CDCA7: variants seen among roughly 807,000 people sequenced by gnomAD.
The protein encoded by CDCA7 is cell division cycle-associated protein 7.
A neutral mutation model predicts 54.0 loss-of-function variants in CDCA7; 28 were observed. The ratio of observed to expected loss-of-function variants is 0.52; its 90% CI spans 0.38 to 0.71. The LOEUF is 0.71. Among genes scored for constraint, CDCA7 ranks in the 30% least tolerant of loss-of-function variants. CDCA7 has a pLI of 0.00. For missense variants in CDCA7, 484 were observed against 586.0 expected (o/e 0.83, Z 1.80); for synonymous variants, 180 against 208.2 (o/e 0.86, Z 1.16).
At position 173,364,782 on chromosome 2, in the gene CDCA7, G is replaced by T; in HGVS notation, c.700-13G>T. Reference sequence around the variant, plus strand: ...ATGGAATAAATGGATTCCCTTATACGTGCTTTGTTTAGCAATCAAGGAGAC... The same window carrying T: ...ATGGAATAAATGGATTCCCTTATACTTGCTTTGTTTAGCAATCAAGGAGAC... On this transcript the variant is annotated splice_polypyrimidine_tract_variant and intron_variant, in intron 5 of 9. Transcript: ENST00000306721. The T allele has an allele frequency of 1.3e-6, 2 of 1,589,152 alleles. No homozygotes were observed. Among genetic ancestry groups the T allele is most frequent in the Non-Finnish European group, 1.7e-6 (2 of 1,172,744 alleles).
Position 173,366,492 on chromosome 2 carries a change from G to A in CDCA7, c.1185+60G>A. On this transcript the variant is annotated intron_variant, in intron 8 of 9. Coordinates refer to ENST00000306721, the MANE Select transcript of CDCA7 (RefSeq NM_031942.5). This position sits in a 1 kb window ranked among gnomAD's most constrained non-coding sequence, Gnocchi z 4.5. ...GAAGGTCAGCCACAAACTGTGATGA[G>A]GCCAGAAAAAGGCATTGGTGAAGGG... 2 of 1,587,396 alleles carry A rather than the reference G, an allele frequency of 1.3e-6. No homozygotes were observed. Among genetic ancestry groups the A allele is most frequent in the South Asian group, 2.3e-5 (2 of 88,426 alleles).
rs1686714841 is a variant in CDCA7, at chr2:173,366,130, A to AT, written c.1036-148dup. ...GTGAGCCACTGCACCTGGTTGAGTT[A>AT]TTTTTCATACCCTGGCATATACATG... On this transcript the variant is annotated intron_variant, in intron 7 of 9. Transcript: ENST00000306721. This position sits in a 1 kb window ranked among gnomAD's most constrained non-coding sequence, Gnocchi z 4.5. Among the ~76,000 whole-genome samples the AT allele has an allele frequency of 6.6e-6, 1 of 152,034 alleles. No homozygotes were observed. The highest frequency in any genetic ancestry group is 6.6e-5 in the Admixed American group (1 of 15,262).
In CDCA7 at chr2:173,366,380, C is replaced by G; in HGVS notation, c.1133C>G (p.Pro378Arg). ...GGCGTTCGAGGCCAGTTCTGTGGCC[C>G]CTGCCTTCGAAACCGTTATGGTGAA... ...CWGVRGQFCG[P>R]CLRNRYGEEV... The change falls in exon 8 of 10, where the codon CCC becomes CGC. Residue 378 changes from proline to arginine, a missense_variant. By Grantham distance (103) the Pro-to-Arg change is moderately radical. This residue lies in a region of CDCA7 where 83 missense variants were observed against 122.3 expected (regional missense o/e 0.68). Transcript: ENST00000306721. This position sits in a 1 kb window ranked among gnomAD's most constrained non-coding sequence, Gnocchi z 4.5. 1 of 1,614,140 alleles carries G rather than the reference C, an allele frequency of 6.2e-7. No individual in the cohort carries two copies. Among genetic ancestry groups the G allele is most frequent in the Non-Finnish European group, 8.5e-7 (1 of 1,180,036 alleles).
chr2:173,365,115 C>A, intron 6 of CDCA7, 126 bp downstream of exon 6: 1 of 1,369,772 alleles, frequency 7.3e-7, no homozygotes, highest in African/African-American at 1.5e-5. Context: ...TTCCTCTAAC[C>A]ATTCAGAACT....
chr2:173,355,087 A>T (rs1192923294), intron 1 of CDCA7, 103 bp downstream of exon 1: 3 of 1,204,276 alleles, frequency 2.5e-6, no homozygotes, highest in Non-Finnish European at 3.1e-6. Context: ...CGCTGCCTTA[A>T]CTGGTGGCCT....
At chr2:173,355,365 G>A (rs1475518765) in intron 1 of CDCA7, among the ~76,000 whole-genome samples, 2 of 152,186 alleles carry the variant, frequency 1.3e-5, no homozygotes, top group East Asian at 3.9e-4. Flanking sequence ...TCCCGCAGCG[G>A]CCCAGCCCTT....
Position 173,365,559 on chromosome 2 carries a change from C to T in CDCA7, c.1002C>T (p.Ser334=). 3 of 1,614,138 alleles carry T rather than the reference C, an allele frequency of 1.9e-6. No individual in the cohort carries two copies. Among genetic ancestry groups the T allele is most frequent in the Non-Finnish European group, 2.5e-6 (3 of 1,180,026 alleles). ...AGGAGGAGTTGGAGAACGTCTGCAG[C>T]AATTCTCGAGAGAAGATATATAACC... ...ITEEELENVC[S]NSREKIYNRS... Residue 334 remains serine, a synonymous_variant, in exon 7 of 10, where the codon AGC becomes AGT. Transcript: ENST00000306721.
In CDCA7 at chr2:173,367,291, TG is replaced by T; in HGVS notation, c.1322+8del. Reference sequence around the variant, plus strand: ...TGTGCATGCCTACTTGAAAAGGTAGTGGGTGTTTTTTTTTCCCTTCCACATC... The same window carrying T: ...TGTGCATGCCTACTTGAAAAGGTAGTGGTGTTTTTTTTTCCCTTCCACATC... On this transcript the variant is annotated splice_donor_region_variant and intron_variant, in intron 9 of 9. Coordinates refer to ENST00000306721, the MANE Select transcript of CDCA7 (RefSeq NM_031942.5). 6.2e-7 allele frequency: 1 copy of T among 1,614,000 alleles called. No individual in the cohort carries two copies. The highest frequency in any genetic ancestry group is 8.5e-7 in the Non-Finnish European group (1 of 1,179,970).
chr2:173,365,114 C>T (rs1201400582), intron 6 of CDCA7, 125 bp downstream of exon 6: 1 of 1,367,472 alleles, frequency 7.3e-7, no homozygotes, highest in Non-Finnish European at 9.5e-7. Flanking sequence ...TTTCCTCTAA[C>T]CATTCAGAAC....
At chr2:173,356,625 C>T (rs1185279695) in intron 1 of CDCA7, among the ~76,000 whole-genome samples, 2 of 152,192 alleles carry the variant, frequency 1.3e-5, no homozygotes, top group Non-Finnish European at 2.9e-5. Context: ...CCACCTCAGC[C>T]TCCCAAGTAA....
intron 1 of CDCA7, 150 bp from the exon 2 acceptor site, chr2:173,358,562 G>A (rs942629000): frequency 2.9e-5 from 23 of 784,476 alleles, no homozygotes; most frequent in Non-Finnish European, 4.1e-5. Flanking sequence ...ATTTTTTGTA[G>A]CAGTTAACAA....
intron 1 of CDCA7, among the ~76,000 whole-genome samples, chr2:173,358,110 G>GGCTTGCTTCAGCTC (rs1686545222): frequency 6.7e-6 from 1 of 150,114 alleles, no homozygotes; most frequent in Admixed American, 6.7e-5. Flanking sequence ...TGAGGCAGGA[G>GGCTTGCTTCAGCTC]AATGGCGTGA....
intron 1 of CDCA7, among the ~76,000 whole-genome samples, chr2:173,357,191 C>A (rs1686523209): frequency 6.6e-6 from 1 of 152,214 alleles, no homozygotes; most frequent in Non-Finnish European, 1.5e-5. Context: ...AAATGACAAA[C>A]CACTATCCTT....
intron 3 of CDCA7, among the ~76,000 whole-genome samples, chr2:173,361,474 C>CA (rs1686620606): frequency 7.5e-6 from 1 of 133,538 alleles, no homozygotes; most frequent in Non-Finnish European, 1.5e-5. Context: ...TTTTTTGAGA[C>CA]AGAGTCTCAC....
At chr2:173,363,139 A>G (rs1686654415) in intron 3 of CDCA7, 87 bp from the exon 4 acceptor site, 8 of 1,243,346 alleles carry the variant, frequency 6.4e-6, no homozygotes, top group Non-Finnish European at 8.2e-6. Context: ...CATTTCATAC[A>G]AGTGTCTCAT....
At chr2:173,364,028 C>T in intron 5 of CDCA7, 133 bp downstream of exon 5, 1 of 733,842 alleles carries the variant, frequency 1.4e-6, no homozygotes, top group Non-Finnish European at 2.2e-6. Flanking sequence ...GAGGAAACCC[C>T]CTGACAGATC....
In CDCA7 at chr2:173,367,226, G is replaced by A; in HGVS notation, c.1262G>A (p.Gly421Glu). The change falls in exon 9 of 10, where the codon GGG becomes GAG. Residue 421 changes from glycine (G) to glutamate (E), a missense_variant. By Grantham distance (98) the Gly-to-Glu change is moderately conservative. Transcript: ENST00000306721. ...CAGCGAGATGGACGGTGTGCGACTGGGGTCCTTGTGTATTTAGCCAAATAT... is the reference window on the plus strand; with the variant it reads ...CAGCGAGATGGACGGTGTGCGACTGAGGTCCTTGTGTATTTAGCCAAATAT... ...CRQRDGRCAT[G>E]VLVYLAKYHG... 1 of 1,613,778 alleles carries A rather than the reference G, an allele frequency of 6.2e-7. No homozygotes were observed. Among genetic ancestry groups the A allele is most frequent in the Non-Finnish European group, 8.5e-7 (1 of 1,179,924 alleles).
Position 173,354,896 on chromosome 2 carries a change from G to A in CDCA7, c.-68G>A. 6.8e-7 allele frequency: 1 copy of A among 1,472,246 alleles called. No homozygotes were observed. 91.2% of individuals were successfully genotyped at this position (1,472,246 alleles called of 1,614,324 possible). Reference sequence around the variant, plus strand: ...CGCTGCTGCTGCTCCTCCTGCTGTGGGACCGCTGACCGCGCGGCTGCTCCG... The same window carrying A: ...CGCTGCTGCTGCTCCTCCTGCTGTGAGACCGCTGACCGCGCGGCTGCTCCG... On this transcript the variant is annotated 5_prime_UTR_variant, in exon 1 of 10. Transcript: ENST00000306721.
chr2:173,359,392 A>G lies in CDCA7; in HGVS notation c.285A>G (p.Pro95=). Residue 95 remains proline (P), a synonymous_variant, in exon 3 of 10, where the codon CCA becomes CCG. Transcript: ENST00000306721. ...ACCATTGTGGATTTTTACAGAAACC[A>G]AGGCCAGATGTCACTAACGAACTGG... ...VLDHCGFLQK[P]RPDVTNELAG... 4.3e-6 allele frequency: 7 copies of G among 1,614,226 alleles called. No individual in the cohort carries two copies. The highest frequency in any genetic ancestry group is 5.9e-6 in the Non-Finnish European group (7 of 1,180,042).
Sources: allele counts gnomAD v4.1 joint callset (sites outside exome capture counted in the v4.1 genomes callset), GRCh38; gene constraint gnomAD v4.1.1; regional missense constraint gnomAD v4.1.1; non-coding constraint Gnocchi (gnomAD v3.1); transcripts MANE v1.5; gene names NCBI Gene and HGNC (gene_info 2026-07-23, HGNC 2026-07-21).